DMD: variants seen among roughly 807,000 people sequenced by gnomAD.
The protein encoded by DMD is mutant dystrophin.
A neutral mutation model predicts 330.1 loss-of-function variants in DMD; 63 were observed. The ratio of observed to expected loss-of-function variants is 0.19; its 90% CI spans 0.16 to 0.24. The LOEUF is 0.24. Among genes scored for constraint, DMD ranks in the 10% least tolerant of loss-of-function variants. DMD has a pLI of 1.00. For missense variants in DMD, 3,344 were observed against 2,684.1 expected (o/e 1.25, Z -5.43); for synonymous variants, 1,223 against 959.8 (o/e 1.27, Z -5.07).
intron 55 of DMD, among the ~76,000 whole-genome samples, chrX:31,539,799 C>A (rs1455149887): frequency 1.8e-5 from 2 of 112,148 alleles, no homozygotes; most frequent in African/African-American, 6.5e-5. Context: ...GGAATTGATT[C>A]AACGTCTATT....
chrX:33,323,618 T>G (rs2054046464), intron 1 of DMD, among the ~76,000 whole-genome samples: 1 of 111,739 alleles, frequency 8.9e-6, no homozygotes, highest in Non-Finnish European at 1.9e-5. Flanking sequence ...AAATGTGTCC[T>G]GTGTATTTTT....
At chrX:31,944,786 G>A (rs2095064510) in intron 45 of DMD, among the ~76,000 whole-genome samples, 1 of 109,841 alleles carries the variant, frequency 9.1e-6, no homozygotes, top group South Asian at 3.9e-4. Flanking sequence ...GGGATTACAG[G>A]CGTGAGGCAC....
At chrX:32,368,825 C>T (rs1012778406) in intron 34 of DMD, among the ~76,000 whole-genome samples, 3 of 111,838 alleles carry the variant, frequency 2.7e-5, no homozygotes, top group African/African-American at 9.7e-5. Flanking sequence ...AAGATCTACT[C>T]TTCTGAAGGA....
intron 43 of DMD, among the ~76,000 whole-genome samples, chrX:32,228,100 G>A (rs139051458): frequency 0.021 from 2,330 of 111,454 alleles, 22 homozygotes; most frequent in Non-Finnish European, 0.032. Flanking sequence ...GGAAAACACC[G>A]TAAATATCCT....
At chrX:31,443,540 A>G (rs894596011) in intron 60 of DMD, among the ~76,000 whole-genome samples, 4 of 107,958 alleles carry the variant, frequency 3.7e-5, no homozygotes, top group African/African-American at 1.4e-4. Flanking sequence ...GAATTTTATT[A>G]TCGCATTTTT....
At chrX:32,927,876 G>A (rs979850117) in intron 2 of DMD, among the ~76,000 whole-genome samples, 5 of 110,859 alleles carry the variant, frequency 4.5e-5, no homozygotes, top group African/African-American at 6.5e-5. Context: ...TTCCCTAACC[G>A]CTTGTAAAAT....
chrX:32,938,202 T>G (rs1464601147), intron 2 of DMD, among the ~76,000 whole-genome samples: 3 of 111,620 alleles, frequency 2.7e-5, no homozygotes, highest in African/African-American at 6.5e-5. Flanking sequence ...TTACATTTTT[T>G]AAAGGAAACT....
intron 17 of DMD, among the ~76,000 whole-genome samples, chrX:32,538,587 G>A (rs1322365584): frequency 9.9e-5 from 11 of 111,230 alleles, no homozygotes; most frequent in Admixed American, 8.6e-4. Flanking sequence ...ACGGACATAC[G>A]TGAAAGCCCC....
chrX:31,839,259 C>G (rs936927760), intron 48 of DMD, among the ~76,000 whole-genome samples: 1 of 111,939 alleles, frequency 8.9e-6, no homozygotes, highest in Non-Finnish European at 1.9e-5. Context: ...TAGTTTTGAC[C>G]ATTCCTAAAG....
intron 2 of DMD, among the ~76,000 whole-genome samples, chrX:32,879,018 C>CAAAAAAAAAAAAAAAAAAAA (rs1201402428): frequency 3.1e-5 from 3 of 95,328 alleles, no homozygotes; most frequent in African/African-American, 1.2e-4. Context: ...AAAAAAAAAA[C>CAAAAAAAAAAAAAAAAAAAA]AAAAAACAAA....
At chrX:31,545,834 G>A (rs765777328) in intron 55 of DMD, among the ~76,000 whole-genome samples, 4 of 111,916 alleles carry the variant, frequency 3.6e-5, no homozygotes, top group Admixed American at 9.5e-5. Context: ...CACTATGTGC[G>A]AGTTACTGTC....
At chrX:33,120,696 C>T (rs1045981528) in intron 1 of DMD, among the ~76,000 whole-genome samples, 8 of 109,523 alleles carry the variant, frequency 7.3e-5, no homozygotes, top group Admixed American at 2.0e-4. Context: ...GCCTGGCCAA[C>T]GTGGCGAAAC....
intron 1 of DMD, among the ~76,000 whole-genome samples, chrX:33,257,297 C>T (rs976710926): frequency 4.5e-5 from 5 of 110,715 alleles, no homozygotes; most frequent in African/African-American, 1.6e-4. Context: ...TAGAGATGGT[C>T]CTCCCTCCAA....
chrX:32,556,190 G>T (rs2050280310), intron 16 of DMD, among the ~76,000 whole-genome samples: 2 of 112,270 alleles, frequency 1.8e-5, no homozygotes, highest in South Asian at 7.4e-4. Context: ...AGACATACAT[G>T]TGACCTAAAA....
At chrX:32,407,928 A>G (rs1189916422) in intron 30 of DMD, among the ~76,000 whole-genome samples, 3 of 93,245 alleles carry the variant, frequency 3.2e-5, no homozygotes, top group African/African-American at 1.2e-4. Flanking sequence ...AACAATGAGA[A>G]CACATGGACA....
rs1388668326 is a variant in DMD at position 32,305,856 on chromosome X, A to C, written c.6117+4226T>G. Among the ~76,000 whole-genome samples the C allele has an allele frequency of 1.4e-4, 16 of 110,844 alleles. No homozygotes were observed. The Admixed American group carries it at 1.5e-3, about 11-fold the overall frequency. On this transcript the variant is annotated intron_variant, in intron 42 of 78. Coordinates refer to ENST00000357033, the MANE Select transcript of DMD (RefSeq NM_004006.3). ...TGGCCTTCTTGTTGGTGCTTGATTA[A>C]GATAAGCTCAGTCCCACATTTGGGC...
At chrX:31,670,099 A>G (rs1412474392) in intron 53 of DMD, among the ~76,000 whole-genome samples, 1 of 111,559 alleles carries the variant, frequency 9.0e-6, no homozygotes. Flanking sequence ...CTTTTAGATT[A>G]TTCATTTTTA....
At position 32,504,326 on chromosome X, in the gene DMD, T is replaced by A. The variant is rs763341849; in HGVS notation, c.2293-2484A>T. On this transcript the variant is annotated intron_variant, in intron 18 of 78. Transcript: ENST00000357033. ...AAAATTTCAACATTGAATATATCTG[T>A]ACAAATGATAACATGGGCTGGGTGC... 2.1e-4 allele frequency among the ~76,000 whole-genome samples: 24 copies of A among 111,842 alleles called. 2 individuals are homozygous for A. The highest frequency in any genetic ancestry group is 6.6e-4 in the Admixed American group (7 of 10,543).
chrX:32,243,739 A>T (rs1479503105), intron 43 of DMD, among the ~76,000 whole-genome samples: 2 of 111,625 alleles, frequency 1.8e-5, no homozygotes, highest in East Asian at 5.6e-4. Context: ...AGATCTCAAA[A>T]TTCTTGAAAA....
Sources: gnomAD v4.1 joint callset for allele counts (sites outside exome capture counted in the v4.1 genomes callset) on GRCh38, gnomAD v4.1.1 for gene constraint, MANE v1.5 for transcripts, NCBI Gene and HGNC (gene_info 2026-07-23, HGNC 2026-07-21) for gene names.